The following TRIP13 variants were observed in gnomAD, a reference collection of about 807,000 sequenced individuals.
TRIP13 encodes the protein pachytene checkpoint protein 2 homolog.
A neutral mutation model predicts 54.4 loss-of-function variants in TRIP13; 25 were observed. The ratio of observed to expected loss-of-function variants is 0.46; its 90% confidence interval spans 0.33 to 0.64. The LOEUF (loss-of-function observed/expected upper bound fraction) is 0.64. Ranked by LOEUF, TRIP13 falls within the 30% of genes least tolerant of loss-of-function variation. The pLI is 0.02. For synonymous variants in TRIP13, 207 were observed against 207.8 expected, an observed-to-expected ratio of 1.00 and a Z score of 0.03; for missense variants, 373 against 534.2, an observed-to-expected ratio of 0.70 and a Z score of 2.97.
intron 3 of TRIP13, 118 bp downstream of exon 3, chr5:896,912 G>A: frequency 8.2e-7 from 1 of 1,214,280 alleles, no homozygotes; most frequent in Middle Eastern, 2.5e-4. Flanking sequence ...ATTTTAGGAT[G>A]TTTTCTCTCT....
In TRIP13 at chr5:912,000, C is replaced by A; in HGVS notation, c.1020+4C>A. 1 of 1,594,672 alleles carries A rather than the reference C, an allele frequency of 6.3e-7. No individual in the cohort carries two copies. The highest frequency in any genetic ancestry group is 8.5e-7 in the Non-Finnish European group (1 of 1,175,076). ...TTGTTTGGAAGAACTGATGAAGGTA[C>A]CTTTATTTTTTTTTTCCTCTTGATA... On this transcript the variant is annotated splice_donor_region_variant and intron_variant, in intron 10 of 12. Transcript: ENST00000166345. The surrounding 1 kb of genome is among the most constrained non-coding windows in gnomAD (Gnocchi z 4.7).
At chr5:909,640 G>A (rs538817917) in intron 9 of TRIP13, among the ~76,000 whole-genome samples, 20 of 152,202 alleles carry the variant, frequency 1.3e-4, no homozygotes, top group Non-Finnish European at 2.6e-4. Flanking sequence ...AGTAGGGGTC[G>A]CACAGCCTTC....
In TRIP13 at chr5:911,708, G is replaced by A; in HGVS notation, c.867-135G>A. The A allele has an allele frequency of 1.7e-6, 2 of 1,143,852 alleles. No homozygotes were observed. The highest frequency in any genetic ancestry group is 1.6e-5 in the African/African-American group (1 of 64,246). The allele number at this position is 1,143,852 out of a possible 1,614,324, so 70.9% of individuals were successfully genotyped here. A position where few individuals can be genotyped will look rare whatever the true frequency, so the allele number is the denominator to read the frequency against. On this transcript the variant is annotated intron_variant, in intron 9 of 12. Coordinates refer to ENST00000166345, the MANE Select transcript of TRIP13 (RefSeq NM_004237.4). The surrounding 1 kb of genome is among the most constrained non-coding windows in gnomAD (Gnocchi z 4.7). ...CTGGGGGGTCTGCGTGGCCTGTGTT[G>A]GCACAAGGCCACTTTCCTTCCTGTT... is the stretch of plus-strand genomic sequence containing the variant.
intron 1 of TRIP13, among the ~76,000 whole-genome samples, chr5:893,324 C>T (rs1249694614): frequency 6.6e-5 from 10 of 152,098 alleles, no homozygotes; most frequent in Non-Finnish European, 1.0e-4. Context: ...CGCGCAGGAC[C>T]CCAGCTCACA....
At position 904,198 on chromosome 5, in the gene TRIP13, T is replaced by C. The variant is rs754614559; in HGVS notation, c.586T>C (p.Leu196=). The change falls in exon 6 of 13, where the codon TTG becomes CTG. Residue 196 remains leucine, a synonymous_variant. Coordinates refer to ENST00000166345, the MANE Select transcript of TRIP13 (RefSeq NM_004237.4). ...TSLCKALAQK[L]TIRLSSRYRY... is the part of the protein sequence containing the mutation. The stretch of plus-strand genomic sequence containing the variant: ...CCTGTGTAAAGCGTTAGCCCAGAAA[T>C]TGACAATTAGACTTTCAAGCAGGTA... 1.9e-6 allele frequency: 3 copies of C among 1,609,178 alleles called. No homozygotes were observed. The East Asian group carries it at 6.7e-5, about 36-fold the overall frequency.
intron 2 of TRIP13, among the ~76,000 whole-genome samples, chr5:895,519 C>T (rs1165646347): frequency 6.6e-6 from 1 of 152,186 alleles, no homozygotes; most frequent in African/African-American, 2.4e-5. Flanking sequence ...CAATTCCTGT[C>T]CTGTAAGAAC....
intron 1 of TRIP13, among the ~76,000 whole-genome samples, chr5:893,981 G>C (rs1753802522): frequency 6.6e-6 from 1 of 152,132 alleles, no homozygotes; most frequent in African/African-American, 2.4e-5. Flanking sequence ...AGAGACGCTA[G>C]GCATAATCAC....
chr5:905,911 T>A (rs1465160929), intron 6 of TRIP13, among the ~76,000 whole-genome samples: 1 of 152,272 alleles, frequency 6.6e-6, no homozygotes, highest in African/African-American at 2.4e-5. Context: ...AATACATGTG[T>A]GTTTTCAAGA....
chr5:900,737 C>A (rs1753966836), intron 4 of TRIP13, among the ~76,000 whole-genome samples, 188 bp downstream of exon 4: 1 of 152,216 alleles, frequency 6.6e-6, no homozygotes, highest in South Asian at 2.1e-4. Context: ...CTGAGGAGCT[C>A]CCTGAGGGAG....
Position 907,392 on chromosome 5 carries a change from G to C in TRIP13, c.672+199G>C, listed in dbSNP as rs897870310. Among the ~76,000 whole-genome samples, 3 of 152,192 alleles carry C rather than the reference G, an allele frequency of 2.0e-5. No homozygotes were observed. Among genetic ancestry groups the C allele is most frequent in the Non-Finnish European group, 4.4e-5 (3 of 68,036 alleles). ...CTCCCTTGGTTCTCCCCAGACCTGT[G>C]ACTGGGTGGGACAGGACAATCGATG... On this transcript the variant is annotated intron_variant, in intron 7 of 12. Coordinates refer to ENST00000166345, the MANE Select transcript of TRIP13 (RefSeq NM_004237.4). This position sits in a 1 kb window ranked among gnomAD's most constrained non-coding sequence, Gnocchi z 4.1.
At chr5:895,298 G>A (rs1001596561) in intron 2 of TRIP13, among the ~76,000 whole-genome samples, 3 of 152,212 alleles carry the variant, frequency 2.0e-5, no homozygotes, top group African/African-American at 7.2e-5. Flanking sequence ...AGGACCATAG[G>A]AGGTGTGGGG....
chr5:915,029 T>C lies in TRIP13; in HGVS notation c.1133+452T>C, dbSNP rs1015588228. On this transcript the variant is annotated intron_variant, in intron 11 of 12. Transcript: ENST00000166345. This position sits in a 1 kb window ranked among gnomAD's most constrained non-coding sequence, Gnocchi z 4.2. The stretch of plus-strand genomic sequence containing the variant: ...CAGGTGACCGTCTAGTGGGTTGCAG[T>C]GTGGAGGCTGGGGAGGTGCCGGAGA... Among the ~76,000 whole-genome samples, 2 of 151,938 alleles carry C rather than the reference T, an allele frequency of 1.3e-5. No individual in the cohort carries two copies. Among genetic ancestry groups the C allele is most frequent in the Admixed American group, 6.5e-5 (1 of 15,270 alleles).
rs996775931 is a variant in TRIP13, at chr5:907,034, G to C, written c.609-96G>C. 4.3e-6 allele frequency: 4 copies of C among 931,416 alleles called. No homozygotes were observed. The highest frequency in any genetic ancestry group is 7.0e-6 in the Non-Finnish European group (4 of 572,840). 57.7% of individuals were successfully genotyped at this position (931,416 alleles called of 1,614,324 possible). On this transcript the variant is annotated intron_variant, in intron 6 of 12. Coordinates refer to ENST00000166345, the MANE Select transcript of TRIP13 (RefSeq NM_004237.4). This position sits in a 1 kb window ranked among gnomAD's most constrained non-coding sequence, Gnocchi z 4.1. ...GTAATTGTAATTCCCCCGATGCTGG[G>C]CACTTGAGATGTTGCATTCAGGACG...
Position 911,800 on chromosome 5 carries a change from G to C in TRIP13, c.867-43G>C, listed in dbSNP as rs774164899. On this transcript the variant is annotated intron_variant, in intron 9 of 12. Coordinates refer to ENST00000166345, the MANE Select transcript of TRIP13 (RefSeq NM_004237.4). The surrounding 1 kb of genome is among the most constrained non-coding windows in gnomAD (Gnocchi z 4.7). ...TAGGGCAGGATAGAATTGGGTCACC[G>C]ACAGCCGTGATGACTGTGGTGCTTG... 1 of 1,579,196 alleles carries C rather than the reference G, an allele frequency of 6.3e-7. No homozygotes were observed. Among genetic ancestry groups the C allele is most frequent in the South Asian group, 1.1e-5 (1 of 87,580 alleles).
intron 9 of TRIP13, among the ~76,000 whole-genome samples, chr5:909,300 T>C (rs1020304889): frequency 1.3e-5 from 2 of 152,230 alleles, no homozygotes; most frequent in East Asian, 3.8e-4. Flanking sequence ...AGAACCTGCC[T>C]GTCCCTGTGT....
rs891324072 is a variant in TRIP13 at position 912,964 on chromosome 5, A to G, written c.1020+968A>G. Among the ~76,000 whole-genome samples the G allele has an allele frequency of 5.3e-5, 8 of 152,292 alleles. No homozygotes were observed. Among genetic ancestry groups the G allele is most frequent in the South Asian group, 2.1e-4 (1 of 4,824 alleles). ...CTGGTACCACAGAGTAGGGGTGTTA[A>G]CAAGGATGGCACACCCTGCTGTGGT... On this transcript the variant is annotated intron_variant, in intron 10 of 12. Transcript: ENST00000166345. This position sits in a 1 kb window ranked among gnomAD's most constrained non-coding sequence, Gnocchi z 7.2.
chr5:912,011 T>G lies in TRIP13; in HGVS notation c.1020+15T>G. 2 of 1,594,008 alleles carry G rather than the reference T, an allele frequency of 1.3e-6. No individual in the cohort carries two copies. The highest frequency in any genetic ancestry group is 8.5e-7 in the Non-Finnish European group (1 of 1,174,434). On this transcript the variant is annotated intron_variant, in intron 10 of 12. Transcript: ENST00000166345. The surrounding 1 kb of genome is among the most constrained non-coding windows in gnomAD (Gnocchi z 7.2). ...AACTGATGAAGGTACCTTTATTTTT[T>G]TTTTCCTCTTGATACAAATGGATTT...
chr5:895,205 A>G (rs1753889027), intron 2 of TRIP13, among the ~76,000 whole-genome samples: 1 of 152,184 alleles, frequency 6.6e-6, no homozygotes, highest in Non-Finnish European at 1.5e-5. Context: ...GTGCTGTACA[A>G]TAGTGGGCTG....
chr5:912,041 T>C lies in TRIP13; in HGVS notation c.1020+45T>C, dbSNP rs763296839. On this transcript the variant is annotated intron_variant, in intron 10 of 12. Transcript: ENST00000166345. This position sits in a 1 kb window ranked among gnomAD's most constrained non-coding sequence, Gnocchi z 7.2. ...CCTCTTGATACAAATGGATTTCTTA[T>C]ATGTTCTTAATTAATTAAGATAGCT... is the stretch of plus-strand genomic sequence containing the variant. 1 of 1,585,544 alleles carries C rather than the reference T, an allele frequency of 6.3e-7. No homozygotes were observed. Among genetic ancestry groups the C allele is most frequent in the South Asian group, 1.2e-5 (1 of 86,904 alleles).
Sources: gnomAD v4.1 joint callset for allele counts (sites outside exome capture counted in the v4.1 genomes callset) on GRCh38, gnomAD v4.1.1 for gene constraint, Gnocchi (gnomAD v3.1) non-coding constraint, MANE v1.5 for transcripts, NCBI Gene and HGNC (gene_info 2026-07-23, HGNC 2026-07-21) for gene names.